Variants in MPIG6B observed in about 807,000 individuals in gnomAD.
The protein encoded by MPIG6B is megakaryocyte and platelet inhibitory receptor G6b.
In MPIG6B, 22 loss-of-function variants were observed where a neutral mutation model predicts 24.2. The ratio of observed to expected loss-of-function variants is 0.91; its 90% CI spans 0.65 to 1.30. The LOEUF (loss-of-function observed/expected upper bound fraction) is 1.30. Among genes scored for constraint, MPIG6B ranks in the 50% most tolerant of loss-of-function variants. The pLI is 0.00. For synonymous variants in MPIG6B, 136 were observed against 142.0 expected, an observed-to-expected ratio of 0.96 and a Z score of 0.30; for missense variants, 301 against 318.5, an observed-to-expected ratio of 0.94 and a Z score of 0.42.
Position 31,725,193 on chromosome 6 carries a change from G to A in MPIG6B, c.*119G>A, listed in dbSNP as rs407283. 0.022 allele frequency: 15,458 copies of A among 715,662 alleles called. 378 individuals are homozygous for A. The highest frequency in any genetic ancestry group is 0.067 in the African/African-American group (3,763 of 56,166). The allele number at this position is 715,662 out of a possible 1,614,324, so 44.3% of individuals were successfully genotyped here. ...CACCATGGTATAGAAATAAGTGCTA[G>A]ACTGGGAGTTGGGAGACCTGGGTTC... On this transcript the variant is annotated 3_prime_UTR_variant, in exon 6 of 6. Transcript: ENST00000649779. The surrounding 1 kb of genome is among the most constrained non-coding windows in gnomAD (Gnocchi z 5.2).
At chr6:31,722,962 C>G (rs1806914289), upstream of MPIG6B, 1 of 267,484 alleles carries the variant, frequency 3.7e-6, no homozygotes, top group South Asian at 4.3e-5. Flanking sequence ...ATCACAATCC[C>G]CTACAAAACA....
chr6:31,721,653 C>A, upstream of MPIG6B: 1 of 1,613,956 alleles, frequency 6.2e-7, no homozygotes, highest in Non-Finnish European at 8.5e-7. Context: ...GCAGAACAGA[C>A]AGGGTGAGCA....
chr6:31,721,471 C>T (rs1204480489), upstream of MPIG6B, among the ~76,000 whole-genome samples: 2 of 151,790 alleles, frequency 1.3e-5, no homozygotes, highest in Non-Finnish European at 2.9e-5. Context: ...AGGAGGCTGT[C>T]ATAGGGAAGC....
chr6:31,724,590 C>A lies in MPIG6B; in HGVS notation c.504C>A (p.Arg168=), dbSNP rs1267459340. 2.5e-6 allele frequency: 4 copies of A among 1,613,628 alleles called. No homozygotes were observed. In the African/African-American group the frequency reaches 4.0e-5, roughly 16 times the overall value. The change falls in exon 4 of 6, where the codon CGC becomes CGA. Residue 168 remains arginine (R), a synonymous_variant. Transcript: ENST00000649779. ...ALGLVWWLHR[R]LPPQPIRPLP... ...AAGACTCATATGTCCCTTACAGGCG[C>A]CTGCCCCCGCAACCGATTCGACCAC...
upstream of MPIG6B, chr6:31,723,259 G>GGGGCCCCCCCCCCC: frequency 1.7e-6 from 1 of 590,040 alleles, no homozygotes; most frequent in Non-Finnish European, 3.1e-6. The surrounding 1 kb of genome is among the most constrained non-coding windows in gnomAD (Gnocchi z 4.3). Flanking sequence ...TGGTGGCCCC[G>GGGGCCCCCCCCCCC]CCCCCTCTCT....
Position 31,723,434 on chromosome 6 carries a change from G to A in MPIG6B, c.51G>A (p.Gly17=), listed in dbSNP as rs745644847. The stretch of plus-strand genomic sequence containing the variant: ...CGCTGCTGCTCTCGAGGGCCCAAGG[G>A]AACCCTGGGGGTAAGCGATCCCTGG... ...LLPLLLSRAQ[G]NPGASLDGRP... Residue 17 remains glycine, a synonymous_variant, in exon 1 of 6, where the codon GGG becomes GGA. Transcript: ENST00000649779. This position sits in a 1 kb window ranked among gnomAD's most constrained non-coding sequence, Gnocchi z 4.3. 1 of 1,612,876 alleles carries A rather than the reference G, an allele frequency of 6.2e-7. No homozygotes were observed. The highest frequency in any genetic ancestry group is 8.5e-7 in the Non-Finnish European group (1 of 1,179,734).
At chr6:31,721,752 T>C, upstream of MPIG6B, 1 of 1,519,598 alleles carries the variant, frequency 6.6e-7, no homozygotes, top group East Asian at 2.3e-5. Flanking sequence ...GCTCTAGGAG[T>C]TGAGTGGCCT....
At position 31,723,909 on chromosome 6, in the gene MPIG6B, G is replaced by A; in HGVS notation, c.332G>A (p.Arg111His). ...GDSGTFFCKG[R>H]HEDESRTVLH... ...TCGGGCACTTTTTTCTGCAAGGGCC[G>A]CCACGAGGACGAGAGCCGTACAGTG... The change falls in exon 2 of 6, where the codon CGC becomes CAC. Residue 111 changes from arginine (R) to histidine (H), a missense_variant. Physicochemically the swap from Arg to His is conservative, Grantham distance 29. Transcript: ENST00000649779. This position sits in a 1 kb window ranked among gnomAD's most constrained non-coding sequence, Gnocchi z 4.3. 6.2e-7 allele frequency: 1 copy of A among 1,600,162 alleles called. No homozygotes were observed. The highest frequency in any genetic ancestry group is 1.3e-5 in the African/African-American group (1 of 74,710).
chr6:31,725,223 CT>C lies in MPIG6B; in HGVS notation c.*150del, dbSNP rs1343810885. 1.6e-6 allele frequency: 1 copy of C among 619,462 alleles called. No individual in the cohort carries two copies. The highest frequency in any genetic ancestry group is 2.9e-6 in the Non-Finnish European group (1 of 349,146). 38.4% of individuals were successfully genotyped at this position (619,462 alleles called of 1,614,324 possible). ...GGAGTTGGGAGACCTGGGTTCCAGGCTGTCTCTGCCACTGGTCTTACTTCTA... is the reference window on the plus strand; with the variant it reads ...GGAGTTGGGAGACCTGGGTTCCAGGCGTCTCTGCCACTGGTCTTACTTCTA... On this transcript the variant is annotated 3_prime_UTR_variant, in exon 6 of 6. Coordinates refer to ENST00000649779, the MANE Select transcript of MPIG6B (RefSeq NM_138272.3). This position sits in a 1 kb window ranked among gnomAD's most constrained non-coding sequence, Gnocchi z 5.2.
intron 3 of MPIG6B, 73 bp downstream of exon 3, chr6:31,724,305 C>A: frequency 8.0e-7 from 1 of 1,252,576 alleles, no homozygotes; most frequent in Non-Finnish European, 1.1e-6. Context: ...AGAACCTTCG[C>A]AAAAGAAAGA....
chr6:31,723,337 C>T (rs763443709), upstream of MPIG6B: 21 of 1,569,132 alleles, frequency 1.3e-5, no homozygotes, highest in Admixed American at 2.8e-4. The surrounding 1 kb of genome is among the most constrained non-coding windows in gnomAD (Gnocchi z 4.3). Flanking sequence ...CCCAACCGGC[C>T]CCACGCCGCT....
intron 2 of MPIG6B, 60 bp from the exon 3 acceptor site, chr6:31,724,082 T>C: frequency 1.3e-6 from 2 of 1,569,372 alleles, no homozygotes; most frequent in Admixed American, 3.4e-5. Flanking sequence ...GCGGGACTGC[T>C]GGCTGTCCCT....
At chr6:31,721,616 C>G (rs774953902), upstream of MPIG6B, 2 of 1,613,218 alleles carry the variant, frequency 1.2e-6, no homozygotes, top group Middle Eastern at 3.4e-4. Flanking sequence ...TTTGGGGCCC[C>G]CAGGTGCTCA....
chr6:31,721,835 C>G, upstream of MPIG6B: 1 of 706,836 alleles, frequency 1.4e-6, no homozygotes, highest in South Asian at 1.8e-5. Context: ...ACTTACTACG[C>G]AGCTGACCAG....
upstream of MPIG6B, chr6:31,723,152 A>T: frequency 5.0e-6 from 3 of 597,894 alleles, no homozygotes; most frequent in Non-Finnish European, 9.0e-6. This position sits in a 1 kb window ranked among gnomAD's most constrained non-coding sequence, Gnocchi z 4.3. Context: ...AAGCAGGCCA[A>T]AGCATTTGTG....
In MPIG6B at chr6:31,723,868, C is replaced by T; in HGVS notation, c.291C>T (p.Leu97=). Residue 97 remains leucine (L), a synonymous_variant, in exon 2 of 6, where the codon CTC becomes CTT. Coordinates refer to ENST00000649779, the MANE Select transcript of MPIG6B (RefSeq NM_138272.3). The surrounding 1 kb of genome is among the most constrained non-coding windows in gnomAD (Gnocchi z 4.3). ...CTGGTATCCGGCGGCTGGAGCTCCTCTTGAGCGCGGGGGACTCGGGCACTT... is the reference window on the plus strand; with the variant it reads ...CTGGTATCCGGCGGCTGGAGCTCCTTTTGAGCGCGGGGGACTCGGGCACTT... ...LDSGIRRLEL[L]LSAGDSGTFF... 6.2e-7 allele frequency: 1 copy of T among 1,611,818 alleles called. No individual in the cohort carries two copies. The highest frequency in any genetic ancestry group is 1.1e-5 in the South Asian group (1 of 90,866).
rs548444863 is a variant in MPIG6B, at chr6:31,723,608, T to A, written c.62-31T>A. The A allele has an allele frequency of 1.3e-6, 2 of 1,512,010 alleles. No individual in the cohort carries two copies. The highest frequency in any genetic ancestry group is 2.8e-5 in the African/African-American group (2 of 72,412). The allele number at this position is 1,512,010 out of a possible 1,614,324, so 93.7% of individuals were successfully genotyped here. ...GGAGGGTCGTCTTGCCCTGTGGACGTGCCCTAACCACAGCCTCCGGCCTCT... is the reference window on the plus strand; with the variant it reads ...GGAGGGTCGTCTTGCCCTGTGGACGAGCCCTAACCACAGCCTCCGGCCTCT... On this transcript the variant is annotated intron_variant, in intron 1 of 5. Coordinates refer to ENST00000649779, the MANE Select transcript of MPIG6B (RefSeq NM_138272.3). The surrounding 1 kb of genome is among the most constrained non-coding windows in gnomAD (Gnocchi z 4.3).
In MPIG6B at chr6:31,724,980, A is replaced by T. The variant is rs759764551; in HGVS notation, c.632A>T (p.Tyr211Phe). Reference protein sequence around the residue: ...GDLDQEPSLLYADLDHLALSR... With the variant: ...GDLDQEPSLLFADLDHLALSR... ...CCCTTCCTCCTCCAGAGCCTGCTCTATGCGGATCTGGACCATCTAGCCCTC... is the reference window on the plus strand; with the variant it reads ...CCCTTCCTCCTCCAGAGCCTGCTCTTTGCGGATCTGGACCATCTAGCCCTC... Residue 211 changes from tyrosine to phenylalanine, a missense_variant, in exon 6 of 6, where the codon TAT becomes TTT. By Grantham distance (22) the Tyr-to-Phe change is conservative. Coordinates refer to ENST00000649779, the MANE Select transcript of MPIG6B (RefSeq NM_138272.3). The T allele has an allele frequency of 2.5e-6, 4 of 1,613,690 alleles. No individual in the cohort carries two copies. The East Asian group carries it at 8.9e-5, about 36-fold the overall frequency.
In MPIG6B at chr6:31,725,138, C is replaced by A; in HGVS notation, c.*64C>A. On this transcript the variant is annotated 3_prime_UTR_variant, in exon 6 of 6. Coordinates refer to ENST00000649779, the MANE Select transcript of MPIG6B (RefSeq NM_138272.3). This position sits in a 1 kb window ranked among gnomAD's most constrained non-coding sequence, Gnocchi z 5.2. ...CCCAGCTCCCCATAATCCCTCTCCC[C>A]TCCTTGGTTCCTCACCTGGAAGAGG... The A allele has an allele frequency of 8.2e-7, 1 of 1,215,330 alleles. No individual in the cohort carries two copies. The highest frequency in any genetic ancestry group is 1.2e-6 in the Non-Finnish European group (1 of 828,314). 75.3% of individuals were successfully genotyped at this position (1,215,330 alleles called of 1,614,324 possible).
Sources: allele counts gnomAD v4.1 joint callset (sites outside exome capture counted in the v4.1 genomes callset), GRCh38; gene constraint gnomAD v4.1.1; non-coding constraint Gnocchi (gnomAD v3.1); transcripts MANE v1.5; gene names NCBI Gene and HGNC (gene_info 2026-07-23, HGNC 2026-07-21).